Variants in PDE1A observed in about 807,000 individuals in gnomAD.
The protein encoded by PDE1A is dual specificity calcium/calmodulin-dependent 3',5'-cyclic nucleotide phosphodiesterase 1A.
A neutral mutation model predicts 61.7 loss-of-function variants in PDE1A; 35 were observed. That is an observed-to-expected ratio of 0.57 (90% CI 0.43 to 0.75). PDE1A has a LOEUF of 0.75. PDE1A is among the 30% of genes least tolerant of loss of function. PDE1A has a pLI of 0.00. For synonymous variants in PDE1A, 232 were observed against 213.2 expected, an observed-to-expected ratio of 1.09 and a Z score of -0.77; for missense variants, 597 against 630.6, an observed-to-expected ratio of 0.95 and a Z score of 0.57.
intron 13 of PDE1A, among the ~76,000 whole-genome samples, chr2:182,168,850 A>C (rs969442516): frequency 1.3e-5 from 2 of 152,206 alleles, no homozygotes; most frequent in African/African-American, 4.8e-5. Context: ...AACAACAACA[A>C]AATTTCTGAT....
At chr2:182,252,525 TAAAGTTTCCA>T (rs1691475890) in intron 2 of PDE1A, among the ~76,000 whole-genome samples, 1 of 93,596 alleles carries the variant, frequency 1.1e-5, no homozygotes, top group African/African-American at 4.8e-5. Flanking sequence ...GTTTCCAGAG[TAAAGTTTCCA>T]TTCCTGTGAT....
At chr2:182,366,594 A>G (rs1699850163) in intron 1 of PDE1A, among the ~76,000 whole-genome samples, 1 of 150,700 alleles carries the variant, frequency 6.6e-6, no homozygotes, top group African/African-American at 2.4e-5. Flanking sequence ...TGACTAAAAC[A>G]AGCAATATGG....
At chr2:182,291,825 T>C (rs1441270908) in intron 1 of PDE1A, among the ~76,000 whole-genome samples, 1 of 152,158 alleles carries the variant, frequency 6.6e-6, no homozygotes, top group South Asian at 2.1e-4. Context: ...TGCCTATTCA[T>C]AGGATTTAAA....
At chr2:182,676,965 A>G in the PDE1A span, among the ~76,000 whole-genome samples, 10 of 152,206 alleles carry the variant, frequency 6.6e-5, no homozygotes, top group African/African-American at 1.2e-4. Flanking sequence ...ATCATACTGA[A>G]TGGGCAAAAG....
the PDE1A span, among the ~76,000 whole-genome samples, chr2:182,658,063 A>AAAC: frequency 8.6e-6 from 1 of 115,820 alleles, no homozygotes; most frequent in African/African-American, 3.1e-5. Flanking sequence ...AAAAAAAAAA[A>AAAC]AAAAAAAAAC....
chr2:182,479,340 C>T (rs995760596), intron 2 of PDE1A, among the ~76,000 whole-genome samples: 1 of 151,900 alleles, frequency 6.6e-6, no homozygotes, highest in Non-Finnish European at 1.5e-5. Flanking sequence ...ATGTTGACAG[C>T]TTACCACGTT....
intron 2 of PDE1A, among the ~76,000 whole-genome samples, chr2:182,443,287 C>CA (rs1254245295): frequency 2.6e-5 from 4 of 151,544 alleles, no homozygotes; most frequent in Non-Finnish European, 5.9e-5. Flanking sequence ...TTATGATGGT[C>CA]AAACTGTTTA....
At chr2:182,586,347 C>T in the PDE1A span, among the ~76,000 whole-genome samples, 1 of 152,112 alleles carries the variant, frequency 6.6e-6, no homozygotes. Context: ...TCTACTCAGC[C>T]CACTATGCAG....
the PDE1A span, among the ~76,000 whole-genome samples, chr2:182,562,014 T>A: frequency 6.6e-6 from 1 of 151,406 alleles, no homozygotes; most frequent in Non-Finnish European, 1.5e-5. Context: ...AGGGACAATT[T>A]GACTTCCTCT....
chr2:182,396,966 GC>G (rs1174575021), intron 1 of PDE1A, among the ~76,000 whole-genome samples: 2 of 152,064 alleles, frequency 1.3e-5, no homozygotes, highest in Non-Finnish European at 2.9e-5. Flanking sequence ...AAACAACATA[GC>G]ACAAATTTAT....
the PDE1A span, among the ~76,000 whole-genome samples, chr2:182,685,928 T>C: frequency 6.6e-6 from 1 of 152,234 alleles, no homozygotes; most frequent in South Asian, 2.1e-4. Flanking sequence ...ACACAAAATC[T>C]ATTCTACTAG....
At chr2:182,596,193 G>T in the PDE1A span, among the ~76,000 whole-genome samples, 1 of 152,314 alleles carries the variant, frequency 6.6e-6, no homozygotes, top group South Asian at 2.1e-4. Flanking sequence ...TCTTTGGTAC[G>T]CTGGACCAGG....
intron 13 of PDE1A, among the ~76,000 whole-genome samples, chr2:182,180,325 A>T (rs967740338): frequency 6.6e-6 from 1 of 152,118 alleles, no homozygotes; most frequent in African/African-American, 2.4e-5. Flanking sequence ...TAGGAAGTAA[A>T]ATTCTACTTA....
chr2:182,656,762 C>T, the PDE1A span, among the ~76,000 whole-genome samples: 2 of 152,152 alleles, frequency 1.3e-5, no homozygotes, highest in Non-Finnish European at 1.5e-5. Flanking sequence ...TTCAAAACTA[C>T]ATGCTGGTAT....
chr2:182,378,079 C>T (rs191553712), intron 1 of PDE1A, among the ~76,000 whole-genome samples: 1 of 152,294 alleles, frequency 6.6e-6, no homozygotes, highest in Admixed American at 6.5e-5. Context: ...ATCTCCTGAC[C>T]TCGTGATCCA....
chr2:182,602,994 CAT>C, the PDE1A span, among the ~76,000 whole-genome samples: 527 of 126,200 alleles, frequency 4.2e-3, 1 homozygote, highest in African/African-American at 5.9e-3. Context: ...CACACACACA[CAT>C]ACATACATAC....
At chr2:182,406,156 CTA>C (rs1384077165) in intron 1 of PDE1A, among the ~76,000 whole-genome samples, 1 of 151,842 alleles carries the variant, frequency 6.6e-6, no homozygotes, top group African/African-American at 2.4e-5. Context: ...GTATATAGCT[CTA>C]TTATTATTAT....
downstream of PDE1A, among the ~76,000 whole-genome samples, chr2:182,163,333 C>T (rs539370759): frequency 3.5e-4 from 53 of 152,266 alleles, no homozygotes; most frequent in African/African-American, 1.2e-3. Flanking sequence ...CAGCAATATA[C>T]CTTTGCCCTC....
chr2:182,192,005 G>A (rs1302394525), intron 10 of PDE1A, among the ~76,000 whole-genome samples: 1 of 151,946 alleles, frequency 6.6e-6, no homozygotes, highest in Non-Finnish European at 1.5e-5. Flanking sequence ...TCAGGCGCCT[G>A]CCACCATGCT....
Sources: gnomAD v4.1 joint callset for allele counts (sites outside exome capture counted in the v4.1 genomes callset) on GRCh38, gnomAD v4.1.1 for gene constraint, MANE v1.5 for transcripts, NCBI Gene and HGNC (gene_info 2026-07-23, HGNC 2026-07-21) for gene names.